Variants in AATF observed in about 807,000 individuals in gnomAD.
The protein encoded by AATF is apoptosis antagonizing transcription factor.
Under a neutral mutation model 63.7 loss-of-function variants are expected in AATF, and 48 were observed. That is an observed-to-expected ratio of 0.75 (90% confidence interval 0.60 to 0.96). The LOEUF is 0.96. Among genes scored for constraint, AATF ranks in the 40% least tolerant of loss-of-function variants. AATF has a pLI of 0.00. For synonymous variants in AATF, 258 were observed against 247.7 expected (o/e 1.04, Z -0.39); for missense variants, 639 against 685.7 (o/e 0.93, Z 0.76).
At chr17:36,951,352 T>C (rs771529051) in intron 2 of AATF, among the ~76,000 whole-genome samples, 1 of 152,158 alleles carries the variant, frequency 6.6e-6, no homozygotes, top group Non-Finnish European at 1.5e-5. Context: ...ACAAATATGA[T>C]AATATTTATT....
chr17:36,997,887 C>T (rs986765610), intron 8 of AATF, among the ~76,000 whole-genome samples: 1 of 152,178 alleles, frequency 6.6e-6, no homozygotes, highest in African/African-American at 2.4e-5. Context: ...TGGAATACTA[C>T]AGAACCATAA....
chr17:36,962,534 G>C (rs58132898), intron 4 of AATF, among the ~76,000 whole-genome samples: 5,770 of 152,066 alleles, frequency 0.038, 370 homozygotes, highest in African/African-American at 0.13. Context: ...GGGTTTCTTA[G>C]GAGTGAGAGT....
intron 10 of AATF, among the ~76,000 whole-genome samples, chr17:37,025,240 A>G (rs945796011): frequency 6.6e-6 from 1 of 152,124 alleles, no homozygotes; most frequent in South Asian, 2.1e-4. Flanking sequence ...TGAGGGAGGG[A>G]GTGGATTCAG....
At chr17:36,953,372 G>C in intron 3 of AATF, 76 bp downstream of exon 3, 1 of 1,552,890 alleles carries the variant, frequency 6.4e-7, no homozygotes, top group Non-Finnish European at 8.7e-7. Flanking sequence ...GTTTGTTTTT[G>C]GCTATTCTCT....
intron 4 of AATF, among the ~76,000 whole-genome samples, chr17:36,966,864 A>C (rs148465300): frequency 0.016 from 2,430 of 152,186 alleles, 67 homozygotes; most frequent in African/African-American, 0.055. Flanking sequence ...CTGGCCTCCC[A>C]AAGTGCTGGG....
chr17:36,961,861 G>A (rs1443826350), intron 4 of AATF, among the ~76,000 whole-genome samples: 9 of 152,120 alleles, frequency 5.9e-5, no homozygotes, highest in African/African-American at 9.7e-5. Flanking sequence ...TTTTGGTAGA[G>A]ACTGGGTTTC....
chr17:36,952,843 A>C (rs902696876), intron 2 of AATF, 43 bp from the exon 3 acceptor site: 1 of 1,584,684 alleles, frequency 6.3e-7, no homozygotes, highest in Non-Finnish European at 8.6e-7. Context: ...TATTTTCTCC[A>C]GGTAATACCC....
intron 8 of AATF, among the ~76,000 whole-genome samples, chr17:37,017,048 T>G (rs1455539265): frequency 6.6e-6 from 1 of 152,236 alleles, no homozygotes; most frequent in South Asian, 2.1e-4. Context: ...CAACTTGGTG[T>G]TGGAATTGCA....
At chr17:36,965,298 T>C (rs1045831497) in intron 4 of AATF, among the ~76,000 whole-genome samples, 1 of 152,314 alleles carries the variant, frequency 6.6e-6, no homozygotes, top group Admixed American at 6.5e-5. Context: ...CCAGCTTTTA[T>C]AGGCGGCCAC....
At chr17:36,986,845 G>C (rs2071172719) in intron 5 of AATF, 114 bp downstream of exon 5, 1 of 841,608 alleles carries the variant, frequency 1.2e-6, no homozygotes. Context: ...TAGTAAAATA[G>C]AGTCTCATAT....
chr17:36,991,117 G>T (rs1487426923), intron 8 of AATF, among the ~76,000 whole-genome samples: 1 of 152,032 alleles, frequency 6.6e-6, no homozygotes, highest in Non-Finnish European at 1.5e-5. Flanking sequence ...ACAGTTTCAG[G>T]TTTTTTTCTC....
At chr17:37,005,347 GAAGT>G (rs1461492719) in intron 8 of AATF, among the ~76,000 whole-genome samples, 2 of 152,168 alleles carry the variant, frequency 1.3e-5, no homozygotes, top group African/African-American at 4.8e-5. Flanking sequence ...GGTAAGGAGA[GAAGT>G]AAGCACAGGA....
intron 5 of AATF, 143 bp downstream of exon 5, chr17:36,986,874 G>A (rs1235825768): frequency 2.9e-6 from 2 of 681,802 alleles, no homozygotes; most frequent in East Asian, 5.4e-5. Flanking sequence ...TGGTCAGGAT[G>A]GCACATAAGT....
chr17:36,961,100 T>C (rs11870072), intron 4 of AATF, among the ~76,000 whole-genome samples: 5,602 of 152,288 alleles, frequency 0.037, 346 homozygotes, highest in African/African-American at 0.13. Flanking sequence ...TGTACTATTT[T>C]CAAGCTTATT....
In AATF at chr17:36,950,204, C is replaced by T. The variant is rs890658313; in HGVS notation, c.92-10C>T. 2.5e-6 allele frequency: 4 copies of T among 1,610,402 alleles called. No homozygotes were observed. The highest frequency in any genetic ancestry group is 3.3e-5 in the Admixed American group (2 of 59,896). ...GGAGATTCTGTTTACTTTTCCCTCT[C>T]CCCCGACAGCCACTGCTGCCAGGGT... is the stretch of plus-strand genomic sequence containing the variant. On this transcript the variant is annotated splice_polypyrimidine_tract_variant and intron_variant, in intron 1 of 11. Transcript: ENST00000619387.
intron 4 of AATF, among the ~76,000 whole-genome samples, chr17:36,954,172 A>C (rs1187151294): frequency 6.6e-6 from 1 of 151,276 alleles, no homozygotes. Flanking sequence ...GGCTCAAGCA[A>C]TCCTCCCACC....
chr17:36,973,779 T>C (rs947194994), intron 4 of AATF, among the ~76,000 whole-genome samples: 1 of 152,130 alleles, frequency 6.6e-6, no homozygotes, highest in Non-Finnish European at 1.5e-5. Flanking sequence ...ATTTAGAAAA[T>C]AGCCAAGCAG....
chr17:36,972,861 T>TA (rs1236286545), intron 4 of AATF, among the ~76,000 whole-genome samples: 3 of 152,220 alleles, frequency 2.0e-5, no homozygotes, highest in African/African-American at 7.2e-5. Flanking sequence ...CAGAGCTTTG[T>TA]ATTCTTTCTG....
At chr17:36,956,679 A>AG (rs917287362) in intron 4 of AATF, among the ~76,000 whole-genome samples, 1 of 149,738 alleles carries the variant, frequency 6.7e-6, no homozygotes, top group African/African-American at 2.5e-5. Flanking sequence ...GTCTCAAAAA[A>AG]AAAAAAAAAG....
Sources: allele counts gnomAD v4.1 joint callset (sites outside exome capture counted in the v4.1 genomes callset), GRCh38; gene constraint gnomAD v4.1.1; transcripts MANE v1.5; gene names NCBI Gene and HGNC (gene_info 2026-07-23, HGNC 2026-07-21).